The following UNC80 variants were observed in gnomAD, a reference collection of about 807,000 sequenced individuals.
UNC80 encodes unc-80 subunit of NALCN channel complex, also known as protein unc-80 homolog.
Under a neutral mutation model 384.6 loss-of-function variants are expected in UNC80, and 164 were observed. The ratio of observed to expected loss-of-function variants is 0.43; its 90% CI spans 0.38 to 0.49. The LOEUF (loss-of-function observed/expected upper bound fraction) is 0.49. Ranked by LOEUF, UNC80 falls within the 20% of genes least tolerant of loss-of-function variation. The pLI is 0.00. For synonymous variants in UNC80, 1,486 were observed against 1,527.8 expected (o/e 0.97, Z 0.64); for missense variants, 3,330 against 4,143.0 (o/e 0.80, Z 5.39).
At chr2:209,935,154 C>A (rs1451012038) in intron 39 of UNC80, among the ~76,000 whole-genome samples, 1 of 152,162 alleles carries the variant, frequency 6.6e-6, no homozygotes, top group African/African-American at 2.4e-5. Flanking sequence ...CAGGGATGTA[C>A]TACTTGTTGA....
intron 7 of UNC80, among the ~76,000 whole-genome samples, chr2:209,797,645 T>C (rs2078250256): frequency 6.6e-6 from 1 of 152,066 alleles, no homozygotes; most frequent in African/African-American, 2.4e-5. Flanking sequence ...TGTGTGCATG[T>C]GTCTTTATGT....
chr2:209,820,788 C>A, intron 13 of UNC80, 109 bp downstream of exon 13: 1 of 1,244,824 alleles, frequency 8.0e-7, no homozygotes, highest in Non-Finnish European at 1.1e-6. Flanking sequence ...GTCACTAGAG[C>A]AAAAAAGTGG....
intron 26 of UNC80, 61 bp downstream of exon 26, chr2:209,888,321 C>T: frequency 6.6e-7 from 1 of 1,518,110 alleles, no homozygotes; most frequent in Non-Finnish European, 8.9e-7. Context: ...AGGATATTTG[C>T]ACTAGGGTCT....
intron 35 of UNC80, among the ~76,000 whole-genome samples, chr2:209,924,518 T>C (rs1015466312): frequency 3.9e-5 from 6 of 152,118 alleles, no homozygotes; most frequent in Admixed American, 3.9e-4. Flanking sequence ...CCCTTCATTT[T>C]TGTACTTTCT....
At chr2:209,860,573 A>G (rs2124860491) in intron 22 of UNC80, among the ~76,000 whole-genome samples, 1 of 152,324 alleles carries the variant, frequency 6.6e-6, no homozygotes, top group East Asian at 1.9e-4. Context: ...AGTTTTTTCT[A>G]ATTCTGTGAA....
chr2:209,774,255 A>G (rs2076743291), intron 2 of UNC80, among the ~76,000 whole-genome samples: 2 of 152,172 alleles, frequency 1.3e-5, no homozygotes, highest in African/African-American at 4.8e-5. Context: ...TCACAAACAC[A>G]TTTTTTAAAA....
At chr2:209,929,132 T>A (rs2090654562) in intron 36 of UNC80, among the ~76,000 whole-genome samples, 1 of 152,232 alleles carries the variant, frequency 6.6e-6, no homozygotes, top group African/African-American at 2.4e-5. Context: ...TGGTATCATT[T>A]ATTTGAAATA....
intron 60 of UNC80, among the ~76,000 whole-genome samples, chr2:209,983,382 A>C (rs2093205539): frequency 6.6e-6 from 1 of 152,198 alleles, no homozygotes; most frequent in African/African-American, 2.4e-5. Context: ...TGTTTTATAT[A>C]AGTACCATTT....
At chr2:209,987,536 C>T (rs1390676370) in intron 61 of UNC80, among the ~76,000 whole-genome samples, 1 of 152,182 alleles carries the variant, frequency 6.6e-6, no homozygotes, top group Non-Finnish European at 1.5e-5. Context: ...TATCCATGGA[C>T]ATGTTTTCTC....
intron 15 of UNC80, 92 bp downstream of exon 15, chr2:209,829,471 T>C: frequency 7.2e-7 from 1 of 1,395,170 alleles, no homozygotes. Context: ...GGAGGTAGAA[T>C]TTAGAGGAAA....
chr2:209,912,022 T>A (rs868060817), intron 29 of UNC80, among the ~76,000 whole-genome samples: 1 of 152,342 alleles, frequency 6.6e-6, no homozygotes. Context: ...TACTATGAAC[T>A]CATGCTTCCT....
At chr2:209,810,644 T>A (rs1394015231) in intron 7 of UNC80, among the ~76,000 whole-genome samples, 1 of 152,128 alleles carries the variant, frequency 6.6e-6, no homozygotes, top group Non-Finnish European at 1.5e-5. Context: ...TTTGAAGTAA[T>A]TTATGGAACT....
At chr2:209,783,596 G>A (rs944379627) in intron 4 of UNC80, among the ~76,000 whole-genome samples, 2 of 152,166 alleles carry the variant, frequency 1.3e-5, no homozygotes, top group African/African-American at 4.8e-5. Flanking sequence ...TCTACTTGGA[G>A]ATGTATTTAG....
intron 25 of UNC80, among the ~76,000 whole-genome samples, chr2:209,887,093 A>G (rs1425516224): frequency 6.6e-6 from 1 of 151,776 alleles, no homozygotes; most frequent in Non-Finnish European, 1.5e-5. Flanking sequence ...CTGGAGTGCA[A>G]TGGTGCAATC....
At chr2:209,950,841 A>C (rs1486864149) in intron 47 of UNC80, among the ~76,000 whole-genome samples, 1 of 151,396 alleles carries the variant, frequency 6.6e-6, no homozygotes, top group Non-Finnish European at 1.5e-5. Flanking sequence ...TATAAGCATG[A>C]GCCACCGCAC....
chr2:209,941,244 G>C lies in UNC80; in HGVS notation c.6670G>C (p.Asp2224His). ...PQAGKELFGLDTLQKSLWIQL... is the reference protein window; with the variant it reads ...PQAGKELFGLHTLQKSLWIQL... ...AGCTGGAAAGGAACTGTTTGGCCTCGACACTCTTCAGAAAAGCTTGTGGAT... is the reference window on the plus strand; with the variant it reads ...AGCTGGAAAGGAACTGTTTGGCCTCCACACTCTTCAGAAAAGCTTGTGGAT... Residue 2224 changes from aspartate (D) to histidine (H), a missense_variant, in exon 44 of 65, where the codon GAC (aspartate) becomes CAC (histidine). By Grantham distance (81) the Asp-to-His change is moderately conservative. Transcript: ENST00000673920. 1.3e-6 allele frequency: 2 copies of C among 1,525,104 alleles called. No homozygotes were observed. Among genetic ancestry groups the C allele is most frequent in the African/African-American group, 1.4e-5 (1 of 72,802 alleles). 94.5% of individuals were successfully genotyped at this position (1,525,104 alleles called of 1,614,324 possible). A position where few individuals can be genotyped will look rare whatever the true frequency, so the allele number is the denominator to read the frequency against.
At chr2:209,793,693 C>G (rs1440690804) in intron 6 of UNC80, 27 bp from the exon 7 acceptor site, 2 of 1,607,966 alleles carry the variant, frequency 1.2e-6, no homozygotes, top group South Asian at 1.1e-5. Context: ...AAAACAAAAC[C>G]TAATCTGCTA....
At chr2:209,898,097 T>C (rs2086986491) in intron 28 of UNC80, among the ~76,000 whole-genome samples, 1 of 152,136 alleles carries the variant, frequency 6.6e-6, no homozygotes, top group South Asian at 2.1e-4. Context: ...TATTGGTGGA[T>C]TGTCTTCTCT....
intron 3 of UNC80, 70 bp downstream of exon 3, chr2:209,776,115 T>C: frequency 6.4e-7 from 1 of 1,568,874 alleles, no homozygotes; most frequent in Non-Finnish European, 8.7e-7. Context: ...CATAATAACC[T>C]GTACTGAGTA....
Sources: allele counts gnomAD v4.1 joint callset (sites outside exome capture counted in the v4.1 genomes callset), GRCh38; gene constraint gnomAD v4.1.1; transcripts MANE v1.5; gene names NCBI Gene and HGNC (gene_info 2026-07-23, HGNC 2026-07-21).